CIP2A: variants seen among roughly 807,000 people sequenced by gnomAD.
CIP2A encodes the protein protein CIP2A.
A neutral mutation model predicts 110.9 loss-of-function variants in CIP2A; 103 were observed. The ratio of observed to expected loss-of-function variants is 0.93; its 90% CI spans 0.79 to 1.09. The LOEUF is 1.09. Ranked by LOEUF, CIP2A falls within the 50% of genes least tolerant of loss-of-function variation. The pLI is 0.00. For synonymous variants in CIP2A, 381 were observed against 361.6 expected (o/e 1.05, Z -0.61); for missense variants, 1,088 against 1,038.4 (o/e 1.05, Z -0.66).
rs1576296351 is a variant in CIP2A, at chr3:108,553,663, CTCTG to C, written c.2388_2391del (p.Asp796GlufsTer5). On this transcript the variant is annotated frameshift_variant, in exon 19 of 21. Coordinates refer to ENST00000295746, the MANE Select transcript of CIP2A (RefSeq NM_020890.3). LOFTEE classifies it high-confidence loss of function. ...AGCCACTTACTTGCTAGCTTATGTT[CTCTG>C]TCTACTAGCTGATTCTGTACTTCTT... 1 of 1,540,722 alleles carries C rather than the reference CTCTG, an allele frequency of 6.5e-7. No homozygotes were observed. Among genetic ancestry groups the C allele is most frequent in the Non-Finnish European group, 9.0e-7 (1 of 1,115,660 alleles).
chr3:108,554,059 C>A (rs1937701602), intron 18 of CIP2A, among the ~76,000 whole-genome samples: 1 of 151,916 alleles, frequency 6.6e-6, no homozygotes, highest in Non-Finnish European at 1.5e-5. Flanking sequence ...CAACACCCAG[C>A]TAATTTTTGT....
intron 8 of CIP2A, among the ~76,000 whole-genome samples, chr3:108,570,873 A>T (rs1028040136): frequency 1.3e-5 from 2 of 152,186 alleles, no homozygotes; most frequent in Non-Finnish European, 2.9e-5. Context: ...ATCCATTTTT[A>T]AAGTTTTTGA....
chr3:108,569,297 G>T, intron 9 of CIP2A, 92 bp downstream of exon 9: 1 of 932,284 alleles, frequency 1.1e-6, no homozygotes, highest in Non-Finnish European at 1.7e-6. Context: ...TCAAGTGTAT[G>T]AACTGTAAGT....
intron 1 of CIP2A, chr3:108,585,899 C>A (rs1939026680): frequency 1.0e-5 from 4 of 392,284 alleles, no homozygotes; most frequent in Non-Finnish European, 2.0e-5. Flanking sequence ...TGCACAGACA[C>A]ATACATACAC....
At chr3:108,576,213 A>G in intron 8 of CIP2A, 58 bp downstream of exon 8, 1 of 1,098,960 alleles carries the variant, frequency 9.1e-7, no homozygotes, top group Non-Finnish European at 1.3e-6. Context: ...AGTTTTTTAA[A>G]AGTTTCGGCA....
At chr3:108,560,406 C>T (rs1937964088) in intron 14 of CIP2A, among the ~76,000 whole-genome samples, 1 of 152,184 alleles carries the variant, frequency 6.6e-6, no homozygotes, top group Non-Finnish European at 1.5e-5. Context: ...CTCCTCAGCT[C>T]TGGCAATCTA....
chr3:108,571,711 G>A (rs1015381579), intron 8 of CIP2A, among the ~76,000 whole-genome samples: 27 of 152,086 alleles, frequency 1.8e-4, no homozygotes, highest in African/African-American at 6.5e-4. Flanking sequence ...GGTTATCATT[G>A]TTAGCTATTA....
Position 108,566,564 on chromosome 3 carries a change from C to T in CIP2A, c.1348G>A (p.Glu450Lys). 6.2e-7 allele frequency: 1 copy of T among 1,607,450 alleles called. No individual in the cohort carries two copies. Among genetic ancestry groups the T allele is most frequent in the Non-Finnish European group, 8.5e-7 (1 of 1,176,502 alleles). ...LTTVKCTTLI[E>K]QQFTYGKIDL... is the part of the protein sequence containing the mutation. Reference sequence around the variant, plus strand: ...ATCTTGCCATATGTAAATTGTTGTTCTATAAGAGTGGTACACTTGACAGTT... The same window carrying T: ...ATCTTGCCATATGTAAATTGTTGTTTTATAAGAGTGGTACACTTGACAGTT... The change falls in exon 11 of 21, where the codon GAA becomes AAA. Residue 450 changes from glutamate to lysine, a missense_variant. By Grantham distance (56) the Glu-to-Lys change is moderately conservative. Transcript: ENST00000295746.
At position 108,569,168 on chromosome 3, in the gene CIP2A, C is replaced by CTATATATATATA. The variant is rs1163991017; in HGVS notation, c.1113+209_1113+220dup. ...TTTACTTATTACACTGAAATGAGCACTATATATATATATACATACACACTA... is the reference window on the plus strand; with the variant it reads ...TTTACTTATTACACTGAAATGAGCACTATATATATATATATATATATATATACATACACACTA... On this transcript the variant is annotated intron_variant, in intron 9 of 20. Transcript: ENST00000295746. Among the ~76,000 whole-genome samples, 64 of 11,082 alleles carry CTATATATATATA rather than the reference C, an allele frequency of 5.8e-3. 11 individuals carry two copies. The highest frequency in any genetic ancestry group is 0.037 in the East Asian group (9 of 244). 7.3% of individuals were successfully genotyped at this position (11,082 alleles called of 152,430 possible). A position where few individuals can be genotyped will look rare whatever the true frequency, so the allele number is the denominator to read the frequency against.
intron 17 of CIP2A, among the ~76,000 whole-genome samples, chr3:108,554,969 G>A (rs1249452435): frequency 6.6e-6 from 1 of 151,920 alleles, no homozygotes; most frequent in Non-Finnish European, 1.5e-5. Context: ...TTTTTAAAAA[G>A]CAACCCAAAA....
intron 19 of CIP2A, 138 bp from the exon 20 acceptor site, chr3:108,552,511 T>C (rs980019874): frequency 4.3e-5 from 20 of 463,104 alleles, no homozygotes; most frequent in African/African-American, 1.8e-4. Context: ...CAGTATTCTA[T>C]AGAAAATACC....
At chr3:108,556,272 A>G (rs1937798869) in intron 17 of CIP2A, among the ~76,000 whole-genome samples, 1 of 152,208 alleles carries the variant, frequency 6.6e-6, no homozygotes. Flanking sequence ...CTCTGTATTA[A>G]CAACATAGAA....
At chr3:108,556,106 C>T (rs1937793998) in intron 17 of CIP2A, among the ~76,000 whole-genome samples, 1 of 152,088 alleles carries the variant, frequency 6.6e-6, no homozygotes, top group African/African-American at 2.4e-5. Context: ...ATCAGTGGTG[C>T]CTCAAACAAT....
At chr3:108,553,771 C>T in intron 18 of CIP2A, 41 bp from the exon 19 acceptor site, 10 of 1,489,664 alleles carry the variant, frequency 6.7e-6, no homozygotes, top group East Asian at 4.7e-5. Context: ...ATTAATGAAC[C>T]ATATACCATT....
At chr3:108,558,089 A>C (rs890509983) in intron 16 of CIP2A, among the ~76,000 whole-genome samples, 1 of 152,150 alleles carries the variant, frequency 6.6e-6, no homozygotes, top group Non-Finnish European at 1.5e-5. Context: ...ATAAAATATT[A>C]AACTCTCTAA....
chr3:108,560,549 A>C (rs1576301397), intron 14 of CIP2A, 100 bp downstream of exon 14: 4 of 663,352 alleles, frequency 6.0e-6, no homozygotes, highest in East Asian at 2.9e-5. Context: ...TAAGGTTTCA[A>C]TAGTGAAATC....
In CIP2A at chr3:108,581,473, C is replaced by T; in HGVS notation, c.491G>A (p.Gly164Glu). Reference sequence around the variant, plus strand: ...GTGCCGACAAAGATTTGCCAATAATCCTAGACAAGGCATTTTTAACTCATC... The same window carrying T: ...GTGCCGACAAAGATTTGCCAATAATTCTAGACAAGGCATTTTTAACTCATC... ...SEDELKMPCL[G>E]LLANLCRHNL... The change falls in exon 5 of 21, where the codon GGA becomes GAA. Residue 164 changes from glycine (G) to glutamate (E), a missense_variant. Physicochemically the swap from Gly to Glu is moderately conservative, Grantham distance 98. Transcript: ENST00000295746. The T allele has an allele frequency of 6.2e-7, 1 of 1,613,004 alleles. No individual in the cohort carries two copies. Among genetic ancestry groups the T allele is most frequent in the Non-Finnish European group, 8.5e-7 (1 of 1,179,254 alleles).
rs528584602 is a variant in CIP2A, at chr3:108,575,567, T to C, written c.894+704A>G. On this transcript the variant is annotated intron_variant, in intron 8 of 20. Transcript: ENST00000295746. ...ATATACATGTGTATATATACGTGTA[T>C]ATATACTCATATACATGTGTATATA... Among the ~76,000 whole-genome samples the C allele has an allele frequency of 2.1e-4, 31 of 149,256 alleles. 1 individual carries two copies. The highest frequency in any genetic ancestry group is 8.6e-4 in the Admixed American group (13 of 15,086).
At chr3:108,585,033 A>C (rs761495452) in intron 2 of CIP2A, 32 bp downstream of exon 2, 2 of 1,586,892 alleles carry the variant, frequency 1.3e-6, no homozygotes, top group Non-Finnish European at 8.6e-7. Flanking sequence ...TACATCTTCC[A>C]AAAACTAAAA....
Sources: allele counts gnomAD v4.1 joint callset (sites outside exome capture counted in the v4.1 genomes callset), GRCh38; gene constraint gnomAD v4.1.1; transcripts MANE v1.5; gene names NCBI Gene and HGNC (gene_info 2026-07-23, HGNC 2026-07-21).